The following CNST variants were observed in gnomAD, a reference collection of about 807,000 sequenced individuals.
CNST encodes consortin.
CNST carries 39 observed loss-of-function variants against 72.4 expected under a neutral mutation model. The observed-to-expected ratio is 0.54, with a 90% CI of 0.42 to 0.70. The LOEUF (loss-of-function observed/expected upper bound fraction) is 0.70. CNST is among the 30% of genes least tolerant of loss of function. The probability of loss-of-function intolerance (pLI) is 0.00; values close to 1 mark genes in which losing one functional copy is unlikely to be tolerated. For missense variants in CNST, 871 were observed against 868.5 expected, an observed-to-expected ratio of 1.00 and a Z score of -0.04; for synonymous variants, 332 against 320.1, an observed-to-expected ratio of 1.04 and a Z score of -0.40.
chr1:246,636,990 T>G (rs1434512294), intron 6 of CNST, among the ~76,000 whole-genome samples: 1 of 152,216 alleles, frequency 6.6e-6, no homozygotes. Context: ...TATTCCCGTA[T>G]TAAGACTTTT....
chr1:246,586,105 A>ATGTGTGTG (rs1305896995), intron 1 of CNST, among the ~76,000 whole-genome samples: 4 of 33,906 alleles, frequency 1.2e-4, no homozygotes, highest in African/African-American at 4.4e-4. Context: ...ATATATATAT[A>ATGTGTGTG]TATATATGTG....
At chr1:246,582,846 C>T (rs948376822) in intron 1 of CNST, among the ~76,000 whole-genome samples, 11 of 152,196 alleles carry the variant, frequency 7.2e-5, no homozygotes, top group Admixed American at 4.6e-4. Context: ...GTTACAATGT[C>T]CTCTTGTCCA....
chr1:246,630,993 A>G (rs6426313), intron 3 of CNST, among the ~76,000 whole-genome samples: 72,566 of 151,882 alleles, frequency 0.48, 19,123 homozygotes, highest in African/African-American at 0.69. Flanking sequence ...TGATCCACCC[A>G]CCTCAGCCTC....
rs146965582 is a variant in CNST, at chr1:246,571,656, A to G, written c.-52+4993A>G. Among the ~76,000 whole-genome samples the G allele has an allele frequency of 3.9e-3, 593 of 152,338 alleles. 3 individuals carry two copies. Among genetic ancestry groups the G allele is most frequent in the African/African-American group, 0.014 (570 of 41,576 alleles). On this transcript the variant is annotated intron_variant, in intron 1 of 10. Transcript: ENST00000366513. ...CCTTTTAGATTAAGAAAAATTCTGA[A>G]ACAGTAAATGGTAAATTTTGTCATA...
In CNST at chr1:246,621,620, C is replaced by G; in HGVS notation, c.571C>G (p.Leu191Val). Reference protein sequence around the residue: ...VEQLDSRALPLCLHQIAESYF... With the variant: ...VEQLDSRALPVCLHQIAESYF... ...GCAGTTGGATTCAAGAGCACTTCCC[C>G]TTTGCCTTCATCAGGTACTCTGGTA... Residue 191 changes from leucine to valine, a missense_variant, in exon 3 of 11, where the codon CTT (leucine) becomes GTT (valine). Physicochemically the swap from Leu to Val is conservative, Grantham distance 32 (BLOSUM62 1). Coordinates refer to ENST00000366513, the MANE Select transcript of CNST (RefSeq NM_152609.3). The G allele has an allele frequency of 6.2e-7, 1 of 1,613,796 alleles. No individual in the cohort carries two copies. Among genetic ancestry groups the G allele is most frequent in the Non-Finnish European group, 8.5e-7 (1 of 1,179,706 alleles).
intron 9 of CNST, among the ~76,000 whole-genome samples, chr1:246,651,615 C>G (rs781319680): frequency 2.0e-5 from 3 of 152,116 alleles, no homozygotes; most frequent in Non-Finnish European, 4.4e-5. Flanking sequence ...CTAAAAATGT[C>G]TATACTATTT....
chr1:246,571,961 G>C (rs1252031536), intron 1 of CNST, among the ~76,000 whole-genome samples: 2 of 151,996 alleles, frequency 1.3e-5, no homozygotes, highest in African/African-American at 2.4e-5. Flanking sequence ...GCCACTACCT[G>C]ATTAAATAAT....
chr1:246,598,095 C>A (rs915953116), intron 2 of CNST, among the ~76,000 whole-genome samples: 11 of 152,034 alleles, frequency 7.2e-5, no homozygotes, highest in Non-Finnish European at 1.5e-4. Flanking sequence ...GATTCTCTCA[C>A]CTCAGCCTCC....
chr1:246,621,566 C>CT lies in CNST; in HGVS notation c.518dup (p.Phe174ValfsTer7), dbSNP rs774477241. The CT allele has an allele frequency of 6.2e-7, 1 of 1,614,228 alleles. No individual in the cohort carries two copies. The highest frequency in any genetic ancestry group is 2.2e-5 in the East Asian group (1 of 44,892). ...GGCGCCAAAGCTTGTTCTGCAGTCT[C>CT]TGTTTTCACTTATACGAGGTGAAGT... On this transcript the variant is annotated frameshift_variant, in exon 3 of 11. Coordinates refer to ENST00000366513, the MANE Select transcript of CNST (RefSeq NM_152609.3). LOFTEE classifies it high-confidence loss of function.
chr1:246,626,451 C>CTTG (rs750768271), intron 3 of CNST, among the ~76,000 whole-genome samples: 12 of 79,958 alleles, frequency 1.5e-4, no homozygotes, highest in African/African-American at 4.8e-4. Flanking sequence ...TAGGTTTGTC[C>CTTG]TTTTTTTTTT....
chr1:246,647,115 CAATT>C lies in CNST; in HGVS notation c.938-23_938-20del. On this transcript the variant is annotated intron_variant, in intron 8 of 10. Transcript: ENST00000366513. ...ACAAAGTGTTGTTTTGAATTTTTAA[CAATT>C]TATTTTTCTTCATCTTTAGAGAGTA... is the stretch of plus-strand genomic sequence containing the variant. 6.3e-7 allele frequency: 1 copy of C among 1,581,408 alleles called. No individual in the cohort carries two copies. The highest frequency in any genetic ancestry group is 1.4e-5 in the African/African-American group (1 of 73,326).
intron 6 of CNST, among the ~76,000 whole-genome samples, chr1:246,641,134 G>C (rs1558581799): frequency 6.6e-6 from 1 of 152,196 alleles, no homozygotes; most frequent in Non-Finnish European, 1.5e-5. Context: ...GTTGTTGCAT[G>C]TAACAGTGGT....
chr1:246,594,759 A>G (rs565264357), intron 2 of CNST, among the ~76,000 whole-genome samples: 1 of 152,338 alleles, frequency 6.6e-6, no homozygotes, highest in East Asian at 1.9e-4. Flanking sequence ...ATAGTGCCAG[A>G]CCTTGTCTCA....
At chr1:246,573,141 A>T (rs559534225) in intron 1 of CNST, among the ~76,000 whole-genome samples, 2 of 152,344 alleles carry the variant, frequency 1.3e-5, no homozygotes, top group Admixed American at 1.3e-4. Flanking sequence ...TTTATTTTAA[A>T]TGATTTACAC....
intron 1 of CNST, among the ~76,000 whole-genome samples, chr1:246,573,179 A>G (rs528080744): frequency 6.6e-6 from 1 of 152,328 alleles, no homozygotes; most frequent in South Asian, 2.1e-4. Context: ...TCTTGCTACA[A>G]GTATTTTAAA....
At chr1:246,577,368 C>T (rs950077526) in intron 1 of CNST, among the ~76,000 whole-genome samples, 1 of 151,956 alleles carries the variant, frequency 6.6e-6, no homozygotes, top group Non-Finnish European at 1.5e-5. Context: ...CTTTCTAGAC[C>T]CTCTACTATC....
Position 246,660,330 on chromosome 1 carries a change from T to C in CNST, c.1968T>C (p.Asp656=), listed in dbSNP as rs1255768519. Residue 656 remains aspartate (D), a synonymous_variant, in exon 10 of 11, where the codon GAT becomes GAC. Transcript: ENST00000366513. The part of the protein sequence containing the change: ...VRFQEIDDSL[D]QDEVGGGSCI... ...TCCAAGAAATAGACGATAGCTTGGA[T>C]CAAGGTAAACCGCTTGGCACTGTGG... 1 of 1,613,206 alleles carries C rather than the reference T, an allele frequency of 6.2e-7. No individual in the cohort carries two copies. The highest frequency in any genetic ancestry group is 1.3e-5 in the African/African-American group (1 of 74,868).
chr1:246,664,678 A>G (rs12074274), intron 10 of CNST, among the ~76,000 whole-genome samples: 96,199 of 151,448 alleles, frequency 0.64, 32,276 homozygotes, highest in African/African-American at 0.87. Context: ...CGCCCGCCTC[A>G]GCCTCCCAAA....
chr1:246,582,884 C>G (rs934551949), intron 1 of CNST, among the ~76,000 whole-genome samples: 30 of 152,176 alleles, frequency 2.0e-4, no homozygotes, highest in African/African-American at 6.5e-4. Context: ...AACATTTCCT[C>G]CAGACCGTGG....
Sources: allele counts gnomAD v4.1 joint callset (sites outside exome capture counted in the v4.1 genomes callset), GRCh38; gene constraint gnomAD v4.1.1; transcripts MANE v1.5; gene names NCBI Gene and HGNC (gene_info 2026-07-23, HGNC 2026-07-21).